The following NNT variants were observed in gnomAD, a reference collection of about 807,000 sequenced individuals.
NNT encodes NAD(P) transhydrogenase, mitochondrial.
A neutral mutation model predicts 104.8 loss-of-function variants in NNT; 50 were observed. The observed-to-expected ratio is 0.48, with a 90% CI of 0.38 to 0.60. NNT has a LOEUF of 0.60. Ranked by LOEUF, NNT falls within the 20% of genes least tolerant of loss-of-function variation. The pLI, the probability that NNT is intolerant of heterozygous loss-of-function variation, is 0.00. For synonymous variants in NNT, 461 were observed against 490.4 expected, an observed-to-expected ratio of 0.94 and a Z score of 0.79; for missense variants, 1,131 against 1,330.7, an observed-to-expected ratio of 0.85 and a Z score of 2.33.
At chr5:43,626,172 G>A (rs1462818270) in intron 6 of NNT, among the ~76,000 whole-genome samples, 1 of 152,096 alleles carries the variant, frequency 6.6e-6, no homozygotes, top group African/African-American at 2.4e-5. Flanking sequence ...AAAAATGATT[G>A]TGTTTGTACT....
intron 20 of NNT, among the ~76,000 whole-genome samples, chr5:43,700,846 T>C (rs975891815): frequency 2.0e-5 from 3 of 152,222 alleles, no homozygotes; most frequent in African/African-American, 7.2e-5. Context: ...CACTGTAAAC[T>C]TAAAAAAGGC....
chr5:43,701,399 G>A (rs991124780), intron 20 of NNT, among the ~76,000 whole-genome samples: 2 of 152,108 alleles, frequency 1.3e-5, no homozygotes, highest in Admixed American at 6.6e-5. Context: ...CATGTTGCTG[G>A]AAAGGACACG....
rs567947882 is a variant in NNT, at chr5:43,665,910, G to A, written c.2634+6560G>A. ...CGGGCGGAGATGCTCCTCACTTCCC[G>A]GACGGGGTGGCGGCGGGGCAAAGAC... On this transcript the variant is annotated intron_variant, in intron 17 of 21. Coordinates refer to ENST00000344920, the MANE Select transcript of NNT (RefSeq NM_182977.3). Among the ~76,000 whole-genome samples, 237 of 151,132 alleles carry A rather than the reference G, an allele frequency of 1.6e-3. 1 individual carries two copies. The highest frequency in any genetic ancestry group is 5.5e-3 in the African/African-American group (228 of 41,150).
intron 8 of NNT, 32 bp downstream of exon 8, chr5:43,644,357 A>G (rs749445452): frequency 9.4e-6 from 15 of 1,603,876 alleles, no homozygotes; most frequent in South Asian, 2.3e-5. Flanking sequence ...ATCTGTGATC[A>G]CTTCTCATGT....
At chr5:43,672,268 C>T (rs1741146582) in intron 17 of NNT, among the ~76,000 whole-genome samples, 1 of 152,188 alleles carries the variant, frequency 6.6e-6, no homozygotes, top group Admixed American at 6.5e-5. Context: ...TCGTCTGAAG[C>T]CTTCTTCTCT....
At chr5:43,640,670 T>C (rs1469451936) in intron 7 of NNT, among the ~76,000 whole-genome samples, 2 of 151,942 alleles carry the variant, frequency 1.3e-5, no homozygotes, top group Non-Finnish European at 2.9e-5. Context: ...TTTTTTTATT[T>C]GTTTTTACTG....
chr5:43,675,447 A>G (rs1741360054), intron 17 of NNT, 64 bp from the exon 18 acceptor site: 1 of 1,411,058 alleles, frequency 7.1e-7, no homozygotes, highest in South Asian at 1.4e-5. Flanking sequence ...TATACACAAC[A>G]TTTGTACTAT....
In NNT at chr5:43,675,507, C is replaced by T. The variant is rs1279271724; in HGVS notation, c.2635-4C>T. On this transcript the variant is annotated splice_polypyrimidine_tract_variant and splice_region_variant and intron_variant, in intron 17 of 21. Transcript: ENST00000344920. ...CTCTCACAGCTGATAATTTGGCTTT[C>T]TAGGCAATGAATCGCTCCCTGGCTA... The T allele has an allele frequency of 3.7e-6, 6 of 1,607,168 alleles. No individual in the cohort carries two copies. The highest frequency in any genetic ancestry group is 5.1e-6 in the Non-Finnish European group (6 of 1,177,516).
rs569938220 is a variant in NNT at position 43,659,297 on chromosome 5, G to C, written c.2581G>C (p.Val861Leu). The C allele has an allele frequency of 1.9e-6, 3 of 1,613,980 alleles. No homozygotes were observed. Among genetic ancestry groups the C allele is most frequent in the African/African-American group, 1.3e-5 (1 of 75,016 alleles). Residue 861 changes from valine to leucine, a missense_variant, in exon 17 of 22, where the codon GTG becomes CTG. By Grantham distance (32) the Val-to-Leu change is conservative. Transcript: ENST00000344920. ...GCTCAACAACAATCTGCTGACCATCGTGGGTGCACTCATAGGCTCGTCTGG... is the reference window on the plus strand; with the variant it reads ...GCTCAACAACAATCTGCTGACCATCCTGGGTGCACTCATAGGCTCGTCTGG... ...FLLNNNLLTI[V>L]GALIGSSGAI...
intron 19 of NNT, among the ~76,000 whole-genome samples, chr5:43,687,380 C>T (rs1046891243): frequency 2.0e-5 from 3 of 152,110 alleles, no homozygotes; most frequent in African/African-American, 7.2e-5. Context: ...TGTTGAAATT[C>T]TGGATATTCT....
chr5:43,643,065 T>C (rs1751321193), intron 7 of NNT, among the ~76,000 whole-genome samples: 3 of 152,088 alleles, frequency 2.0e-5, no homozygotes, highest in Admixed American at 2.0e-4. Context: ...GTTAGGACTA[T>C]AGGCATGTGC....
chr5:43,645,700 T>TATAC, intron 10 of NNT, 190 bp downstream of exon 10: 1 of 109,664 alleles, frequency 9.1e-6, no homozygotes, highest in South Asian at 3.3e-4. Context: ...TATATATATA[T>TATAC]ATATATATAT....
chr5:43,636,789 C>T (rs1207361469), intron 7 of NNT, among the ~76,000 whole-genome samples: 1 of 151,990 alleles, frequency 6.6e-6, no homozygotes, highest in Non-Finnish European at 1.5e-5. Context: ...ACTAATTTTG[C>T]TTTTTATTTA....
At chr5:43,673,329 C>T (rs540422763) in intron 17 of NNT, among the ~76,000 whole-genome samples, 10 of 152,276 alleles carry the variant, frequency 6.6e-5, no homozygotes, top group East Asian at 3.9e-4. Context: ...GTGATGAACC[C>T]GGTACCTCAG....
Position 43,619,110 on chromosome 5 carries a change from TC to T in NNT, c.680del (p.Pro227GlnfsTer5). 1.3e-6 allele frequency: 2 copies of T among 1,545,854 alleles called. No individual in the cohort carries two copies. The highest frequency in any genetic ancestry group is 1.7e-6 in the Non-Finnish European group (2 of 1,143,410). ...AGATCACAGCTGCTGGAAAAGTTCCTCCAGCTAAGGTAGGTACAACTTTTAA... is the reference window on the plus strand; with the variant it reads ...AGATCACAGCTGCTGGAAAAGTTCCTCAGCTAAGGTAGGTACAACTTTTAA... The part of the protein sequence containing the change: ...GQITAAGKVP[P>X]AKILIVGGGV... On this transcript the variant is annotated frameshift_variant, in exon 5 of 22. Coordinates refer to ENST00000344920, the MANE Select transcript of NNT (RefSeq NM_182977.3). LOFTEE classifies it high-confidence loss of function.
chr5:43,655,800 G>T (rs1210651972), intron 14 of NNT, 40 bp from the exon 15 acceptor site: 7 of 1,468,272 alleles, frequency 4.8e-6, no homozygotes, highest in Admixed American at 1.7e-5. Flanking sequence ...CTTCTCAAAA[G>T]TTTGTCAAGT....
At position 43,691,719 on chromosome 5, in the gene NNT, CTT is replaced by C. The variant is rs1397118712; in HGVS notation, c.2877-8396_2877-8395del. On this transcript the variant is annotated intron_variant, in intron 19 of 21. Coordinates refer to ENST00000344920, the MANE Select transcript of NNT (RefSeq NM_182977.3). ...AAGCATCTCTGTTAAAGTGAAATGA[CTT>C]TTTCAATCTAAAACTTTTTATTTTA... Among the ~76,000 whole-genome samples, 3 of 152,162 alleles carry C rather than the reference CTT, an allele frequency of 2.0e-5. No individual in the cohort carries two copies. The East Asian group carries it at 5.8e-4, about 29-fold the overall frequency.
chr5:43,647,503 T>G (rs1169237451), intron 10 of NNT, among the ~76,000 whole-genome samples: 1 of 152,224 alleles, frequency 6.6e-6, no homozygotes, highest in African/African-American at 2.4e-5. Context: ...TTCTTTATCT[T>G]GAACTCCCTC....
intron 19 of NNT, among the ~76,000 whole-genome samples, chr5:43,684,828 C>T (rs2112152698): frequency 6.6e-6 from 1 of 152,250 alleles, no homozygotes; most frequent in East Asian, 1.9e-4. Context: ...CTTGCCTTTT[C>T]AGGGAGTCTA....
Sources: allele counts gnomAD v4.1 joint callset (sites outside exome capture counted in the v4.1 genomes callset), GRCh38; gene constraint gnomAD v4.1.1; transcripts MANE v1.5; gene names NCBI Gene and HGNC (gene_info 2026-07-23, HGNC 2026-07-21).